WWOX: variants seen among roughly 807,000 people sequenced by gnomAD.
The protein encoded by WWOX is WW domain containing oxidoreductase.
In WWOX, 69 loss-of-function variants were observed where a neutral mutation model predicts 46.2. The ratio of observed to expected loss-of-function variants is 1.49; its 90% CI spans 1.23 to 1.82. The LOEUF is 1.82. Ranked by LOEUF, WWOX falls within the 40% of genes most tolerant of loss-of-function variation. The pLI is 0.00. For synonymous variants in WWOX, 359 were observed against 202.6 expected (o/e 1.77, Z -6.56); for missense variants, 919 against 542.6 (o/e 1.69, Z -6.89).
intron 8 of WWOX, among the ~76,000 whole-genome samples, chr16:78,886,163 G>A (rs950870573): frequency 2.6e-5 from 4 of 151,158 alleles, no homozygotes; most frequent in African/African-American, 9.7e-5. Context: ...GACCTTAAGT[G>A]ATCCACCCTC....
At chr16:78,108,692 T>A (rs1386548633) in intron 2 of WWOX, among the ~76,000 whole-genome samples, 1 of 152,128 alleles carries the variant, frequency 6.6e-6, no homozygotes, top group Non-Finnish European at 1.5e-5. Flanking sequence ...TTACTGGTCT[T>A]AAAGTACCAA....
chr16:78,976,977 A>T (rs547716304), intron 8 of WWOX, among the ~76,000 whole-genome samples: 1 of 152,158 alleles, frequency 6.6e-6, no homozygotes, highest in East Asian at 1.9e-4. Flanking sequence ...TGTTCGTTTT[A>T]TGTTTTTGAA....
At chr16:79,144,337 A>G (rs919840377) in intron 8 of WWOX, among the ~76,000 whole-genome samples, 2 of 152,334 alleles carry the variant, frequency 1.3e-5, no homozygotes, top group African/African-American at 4.8e-5. Context: ...AATTAATAGC[A>G]CCTGCCTGAG....
chr16:78,630,015 C>G (rs760559285), intron 8 of WWOX, among the ~76,000 whole-genome samples: 1 of 152,048 alleles, frequency 6.6e-6, no homozygotes, highest in Non-Finnish European at 1.5e-5. Flanking sequence ...CTTTTTTTCT[C>G]CTTAGCACTT....
intron 8 of WWOX, among the ~76,000 whole-genome samples, chr16:78,985,051 G>A (rs1463769525): frequency 3.9e-5 from 6 of 152,004 alleles, no homozygotes; most frequent in Non-Finnish European, 7.4e-5. Context: ...CCTCCACCCC[G>A]CTCTGTCAGG....
chr16:79,047,259 A>C (rs2550687), intron 8 of WWOX, among the ~76,000 whole-genome samples: 26,366 of 152,172 alleles, frequency 0.17, 2,387 homozygotes, highest in South Asian at 0.32. Flanking sequence ...ATGTATTTAA[A>C]GGCCACAAAT....
At chr16:78,669,901 T>G (rs1282546587) in intron 8 of WWOX, among the ~76,000 whole-genome samples, 1 of 152,106 alleles carries the variant, frequency 6.6e-6, no homozygotes, top group African/African-American at 2.4e-5. Context: ...TTCTTGCACA[T>G]GTACTGCTTT....
In WWOX at chr16:79,027,759, C is replaced by G. The variant is rs531814734; in HGVS notation, c.1057-183849C>G. Among the ~76,000 whole-genome samples, 11 of 151,730 alleles carry G rather than the reference C, an allele frequency of 7.2e-5. No individual in the cohort carries two copies. The East Asian group carries it at 1.6e-3, about 21-fold the overall frequency. Reference sequence around the variant, plus strand: ...AATGTCTCTTTTTTGATTTAGATGTCTTTTTTTGATATAGATGTCTCTTGA... The same window carrying G: ...AATGTCTCTTTTTTGATTTAGATGTGTTTTTTTGATATAGATGTCTCTTGA... On this transcript the variant is annotated intron_variant, in intron 8 of 8. Coordinates refer to ENST00000566780, the MANE Select transcript of WWOX (RefSeq NM_016373.4).
rs2081788988 is a variant in WWOX, at chr16:78,375,121, C to T, written c.517-11739C>T. 3.9e-5 allele frequency among the ~76,000 whole-genome samples: 6 copies of T among 152,368 alleles called. No individual in the cohort carries two copies. The South Asian group carries it at 1.2e-3, about 32-fold the overall frequency. On this transcript the variant is annotated intron_variant, in intron 5 of 8. Coordinates refer to ENST00000566780, the MANE Select transcript of WWOX (RefSeq NM_016373.4). ...TTCCAGTTTATCTATTAAACATCCTCCTTTGCTTCTGGAGATCCTCTGAAA... is the reference window on the plus strand; with the variant it reads ...TTCCAGTTTATCTATTAAACATCCTTCTTTGCTTCTGGAGATCCTCTGAAA...
chr16:78,636,146 A>G (rs2046563106), intron 8 of WWOX, among the ~76,000 whole-genome samples: 1 of 152,174 alleles, frequency 6.6e-6, no homozygotes, highest in Non-Finnish European at 1.5e-5. Context: ...CTCCAGTTTA[A>G]TAAAAGGTAG....
At chr16:78,379,349 C>G (rs1447630076) in intron 5 of WWOX, among the ~76,000 whole-genome samples, 2 of 152,144 alleles carry the variant, frequency 1.3e-5, no homozygotes, top group Non-Finnish European at 2.9e-5. Flanking sequence ...ACCCTTCTCT[C>G]TGCAGTTGCA....
chr16:78,892,584 G>A (rs1003152577), intron 8 of WWOX, among the ~76,000 whole-genome samples: 4 of 152,158 alleles, frequency 2.6e-5, no homozygotes, highest in African/African-American at 9.7e-5. Flanking sequence ...ATCCAAAGCA[G>A]CTCCACTTTT....
At chr16:78,663,353 T>C (rs1234915197) in intron 8 of WWOX, among the ~76,000 whole-genome samples, 1 of 152,226 alleles carries the variant, frequency 6.6e-6, no homozygotes, top group East Asian at 1.9e-4. Context: ...ATCTAACTAA[T>C]ACTTCATCCC....
At chr16:78,371,100 T>C (rs2081672575) in intron 5 of WWOX, among the ~76,000 whole-genome samples, 1 of 151,996 alleles carries the variant, frequency 6.6e-6, no homozygotes, top group South Asian at 2.1e-4. Context: ...TATTAGAGTG[T>C]GTAACATGAT....
At chr16:78,233,201 C>G (rs967161369) in intron 5 of WWOX, among the ~76,000 whole-genome samples, 5 of 152,140 alleles carry the variant, frequency 3.3e-5, no homozygotes, top group Non-Finnish European at 7.3e-5. Context: ...AGATTACTGA[C>G]GATCAACATG....
chr16:78,920,553 G>C (rs2045355320), intron 8 of WWOX, among the ~76,000 whole-genome samples: 1 of 152,050 alleles, frequency 6.6e-6, no homozygotes, highest in Non-Finnish European at 1.5e-5. Context: ...TTGTTTCCAA[G>C]TTCCCTGCCC....
At chr16:78,913,736 A>C (rs1356950148) in intron 8 of WWOX, among the ~76,000 whole-genome samples, 1 of 151,124 alleles carries the variant, frequency 6.6e-6, no homozygotes. Context: ...ATCATAGCTC[A>C]CTGCAGCCTC....
chr16:78,594,855 A>C (rs778226391), intron 8 of WWOX, among the ~76,000 whole-genome samples: 5 of 152,192 alleles, frequency 3.3e-5, no homozygotes, highest in Non-Finnish European at 7.3e-5. Context: ...CTCTGTTTCA[A>C]ATCCCTCATT....
chr16:78,918,384 C>G (rs2151265862), intron 8 of WWOX, among the ~76,000 whole-genome samples: 1 of 152,240 alleles, frequency 6.6e-6, no homozygotes, highest in Middle Eastern at 3.4e-3. Flanking sequence ...TGAAACCTCT[C>G]TCCTTTCCAG....
Sources: gnomAD v4.1 joint callset for allele counts (sites outside exome capture counted in the v4.1 genomes callset) on GRCh38, gnomAD v4.1.1 for gene constraint, MANE v1.5 for transcripts, NCBI Gene and HGNC (gene_info 2026-07-23, HGNC 2026-07-21) for gene names.